SETD4: variants seen among roughly 807,000 people sequenced by gnomAD.
The protein encoded by SETD4 is SET domain-containing protein 4.
A neutral mutation model predicts 58.3 loss-of-function variants in SETD4; 46 were observed. The ratio of observed to expected loss-of-function variants is 0.79; its 90% CI spans 0.62 to 1.01. The LOEUF (loss-of-function observed/expected upper bound fraction) is 1.01, where lower values mean the gene tolerates loss of function less well. SETD4 is among the 50% of genes least tolerant of loss of function. The probability of loss-of-function intolerance (pLI) is 0.00; values close to 1 mark genes in which losing one functional copy is unlikely to be tolerated. For synonymous variants in SETD4, 190 were observed against 202.6 expected, an observed-to-expected ratio of 0.94 and a Z score of 0.53; for missense variants, 490 against 523.3, an observed-to-expected ratio of 0.94 and a Z score of 0.62.
rs1018820580 is a variant in SETD4 at position 36,034,951 on chromosome 21, A to G, written c.*1042T>C. The G allele has an allele frequency of 3.9e-5, 6 of 152,240 alleles. No individual in the cohort carries two copies. Among genetic ancestry groups the G allele is most frequent in the African/African-American group, 1.2e-4 (5 of 41,470 alleles). 9.4% of individuals were successfully genotyped at this position (152,240 alleles called of 1,614,324 possible). On this transcript the variant is annotated 3_prime_UTR_variant, in exon 12 of 12. Transcript: ENST00000332131. ...ACAAACAGGGAAAGATGTTCAAGAA[A>G]TCATGAGAAAGTTTTATTTTAAACT...
chr21:36,045,759 CAG>C lies in SETD4; in HGVS notation c.547_548del (p.Leu183ValfsTer6), dbSNP rs1190215680. On this transcript the variant is annotated frameshift_variant, in exon 6 of 12. Coordinates refer to ENST00000332131, the MANE Select transcript of SETD4 (RefSeq NM_017438.5). LOFTEE classifies it high-confidence loss of function. ...AGATGCTGTCAACAGCCTCCGCAAA[CAG>C]AGGCTGCAGAGAAGAGAAAAAGTCT... ...SRDFFSSLQP[L>X]FAEAVDSIFS... The C allele has an allele frequency of 5.0e-6, 8 of 1,614,088 alleles. No individual in the cohort carries two copies. The South Asian group carries it at 7.7e-5, about 16-fold the overall frequency.
At chr21:36,049,482 G>A (rs2064530545) in intron 4 of SETD4, among the ~76,000 whole-genome samples, 1 of 152,194 alleles carries the variant, frequency 6.6e-6, no homozygotes, top group African/African-American at 2.4e-5. Flanking sequence ...TTGAACTCGA[G>A]AGGCAGAGGT....
rs757913521 is a variant in SETD4 at position 36,048,408 on chromosome 21, GAAAGT to G, written c.208-17_208-13del. 78 of 1,613,446 alleles carry G rather than the reference GAAAGT, an allele frequency of 4.8e-5. 2 individuals carry two copies. The Admixed American group carries it at 1.2e-3, about 25-fold the overall frequency. ...ATCATCTGTCCCTCCTGGCCAAAAGGAAAGTAAAGTTGAGGACGCCTATGCTTTGG... is the reference window on the plus strand; with the variant it reads ...ATCATCTGTCCCTCCTGGCCAAAAGGAAAGTTGAGGACGCCTATGCTTTGG... On this transcript the variant is annotated splice_polypyrimidine_tract_variant and intron_variant, in intron 4 of 11. Coordinates refer to ENST00000332131, the MANE Select transcript of SETD4 (RefSeq NM_017438.5).
intron 8 of SETD4, among the ~76,000 whole-genome samples, chr21:36,041,385 T>A (rs2064054923): frequency 6.6e-6 from 1 of 152,056 alleles, no homozygotes; most frequent in African/African-American, 2.4e-5. Context: ...GGGAGAGCCT[T>A]GAACCCTGTT....
chr21:36,052,106 T>A (rs1317069799), intron 4 of SETD4, among the ~76,000 whole-genome samples: 1 of 152,172 alleles, frequency 6.6e-6, no homozygotes, highest in Non-Finnish European at 1.5e-5. Context: ...ATTCTTTATA[T>A]ATTGGACTTC....
rs2063755337 is a variant in SETD4 at position 36,035,663 on chromosome 21, C to A, written c.*330G>T. ...CCTTAACCCAATGGTATCAGAGCATCTTAAAAGCACAACCACTAGACTCTG... is the reference window on the plus strand; with the variant it reads ...CCTTAACCCAATGGTATCAGAGCATATTAAAAGCACAACCACTAGACTCTG... On this transcript the variant is annotated 3_prime_UTR_variant, in exon 12 of 12. Coordinates refer to ENST00000332131, the MANE Select transcript of SETD4 (RefSeq NM_017438.5). 1 of 211,994 alleles carries A rather than the reference C, an allele frequency of 4.7e-6. No homozygotes were observed. The highest frequency in any genetic ancestry group is 9.6e-6 in the Non-Finnish European group (1 of 104,300). The allele number at this position is 211,994 out of a possible 1,614,324, so 13.1% of individuals were successfully genotyped here. A position where few individuals can be genotyped will look rare whatever the true frequency, so the allele number is the denominator to read the frequency against.
intron 6 of SETD4, among the ~76,000 whole-genome samples, chr21:36,044,733 G>A (rs987823637): frequency 2.0e-5 from 3 of 152,218 alleles, no homozygotes; most frequent in African/African-American, 7.2e-5. Context: ...TAGAGAGCAC[G>A]AAAGCTTAGC....
rs1050224092 is a variant in SETD4 at position 36,053,469 on chromosome 21, GGTAA to G, written c.207+110_207+113del. On this transcript the variant is annotated intron_variant, in intron 4 of 11. Coordinates refer to ENST00000332131, the MANE Select transcript of SETD4 (RefSeq NM_017438.5). ...GAACCATATTCAAATATATCTATTA[GGTAA>G]GTAAGAAATGACTGTATGTCTGAAA... 3.0e-5 allele frequency: 30 copies of G among 1,010,402 alleles called. No homozygotes were observed. In the African/African-American group the frequency reaches 3.5e-4, roughly 12 times the overall value. 62.6% of individuals were successfully genotyped at this position (1,010,402 alleles called of 1,614,324 possible).
At position 36,058,861 on chromosome 21, in the gene SETD4, G is replaced by A. The variant is rs567680637; in HGVS notation, c.28C>T (p.Arg10Trp). 78 of 1,600,682 alleles carry A rather than the reference G, an allele frequency of 4.9e-5. 2 individuals carry two copies. In the South Asian group the frequency reaches 5.9e-4, roughly 12 times the overall value. MQKGKGRTS[R>W]IRRRKLCGSS... Reference sequence around the variant, plus strand: ...CCGCAGAGTTTTCGTCTTCTGATCCGGCTTGTTCTCCCTTTTCCTTTCTGC... The same window carrying A: ...CCGCAGAGTTTTCGTCTTCTGATCCAGCTTGTTCTCCCTTTTCCTTTCTGC... Residue 10 changes from arginine to tryptophan, a missense_variant, in exon 2 of 12, where the codon CGG becomes TGG. Physicochemically the swap from Arg to Trp is moderately radical, Grantham distance 101 (BLOSUM62 -3). Transcript: ENST00000332131.
intron 9 of SETD4, among the ~76,000 whole-genome samples, chr21:36,040,320 T>C (rs2063985950): frequency 1.3e-5 from 2 of 152,122 alleles, no homozygotes; most frequent in Admixed American, 6.5e-5. Flanking sequence ...AGAAGGAAAA[T>C]ATGAGTAGAA....
Position 36,040,585 on chromosome 21 carries a change from C to A in SETD4, c.1054G>T (p.Ala352Ser). Residue 352 changes from alanine to serine, a missense_variant, in exon 9 of 12, where the codon GCT (alanine) becomes TCT (serine). Ala to Ser is a moderately conservative substitution (Grantham distance 99, BLOSUM62 1). Transcript: ENST00000332131. ...LTALKLLCLE[A>S]EKFTCWKKVL... ...ACATGTGAAACTTACAATTTCTCAG[C>A]TTCCAGACATAACAACTTAAGGGCT... 2 of 1,613,642 alleles carry A rather than the reference C, an allele frequency of 1.2e-6. No individual in the cohort carries two copies. Among genetic ancestry groups the A allele is most frequent in the Non-Finnish European group, 1.7e-6 (2 of 1,179,654 alleles).
intron 3 of SETD4, among the ~76,000 whole-genome samples, chr21:36,055,783 C>T (rs1169292235): frequency 6.6e-6 from 1 of 152,186 alleles, no homozygotes; most frequent in African/African-American, 2.4e-5. Flanking sequence ...AATAGGAACT[C>T]TTTACTGCTC....
chr21:36,059,592 G>T, intron 1 of SETD4: 1 of 318,948 alleles, frequency 3.1e-6, no homozygotes, highest in Non-Finnish European at 4.5e-6. Flanking sequence ...GGAGGCTGAG[G>T]CAGGAGAATC....
At position 36,043,959 on chromosome 21, in the gene SETD4, A is replaced by G; in HGVS notation, c.727-3T>C. ...TCTTCATTAAACGCTGCTTTTACCT[A>G]GAAAGAAAAACTGTTAAGGTATTTT... On this transcript the variant is annotated splice_polypyrimidine_tract_variant and splice_region_variant and intron_variant, in intron 6 of 11. Coordinates refer to ENST00000332131, the MANE Select transcript of SETD4 (RefSeq NM_017438.5). The G allele has an allele frequency of 6.2e-7, 1 of 1,613,636 alleles. No homozygotes were observed. The highest frequency in any genetic ancestry group is 1.1e-5 in the South Asian group (1 of 90,904).
chr21:36,048,472 T>C (rs1269468275), intron 4 of SETD4, 76 bp from the exon 5 acceptor site: 6 of 1,334,348 alleles, frequency 4.5e-6, no homozygotes, highest in South Asian at 2.4e-5. Context: ...TACAAAGTCG[T>C]TGATCCCACA....
At chr21:36,039,611 T>C (rs2255734) in intron 9 of SETD4, among the ~76,000 whole-genome samples, 64,094 of 152,052 alleles carry the variant, frequency 0.42, 13,606 homozygotes, top group Admixed American at 0.46. Flanking sequence ...AAACCGCATG[T>C]CCCAACACTA....
At chr21:36,052,402 A>T (rs11702407) in intron 4 of SETD4, among the ~76,000 whole-genome samples, 56,014 of 150,402 alleles carry the variant, frequency 0.37, 10,488 homozygotes, top group Admixed American at 0.41. Context: ...AAAAAAAAAA[A>T]AAAAATTAGC....
chr21:36,051,591 G>A (rs557574197), intron 4 of SETD4, among the ~76,000 whole-genome samples: 2 of 152,226 alleles, frequency 1.3e-5, no homozygotes, highest in African/African-American at 4.8e-5. Context: ...CAGAATAGGT[G>A]GGGTATAGAA....
At chr21:36,054,382 T>C (rs542624779) in intron 3 of SETD4, among the ~76,000 whole-genome samples, 1 of 152,364 alleles carries the variant, frequency 6.6e-6, no homozygotes, top group East Asian at 1.9e-4. Context: ...ATGACAGCTT[T>C]TCTGGCAGGC....
Sources: gnomAD v4.1 joint callset for allele counts (sites outside exome capture counted in the v4.1 genomes callset) on GRCh38, gnomAD v4.1.1 for gene constraint, MANE v1.5 for transcripts, NCBI Gene and HGNC (gene_info 2026-07-23, HGNC 2026-07-21) for gene names.